TMEM117: variants seen among roughly 807,000 people sequenced by gnomAD.
The protein encoded by TMEM117 is transmembrane protein 117.
A neutral mutation model predicts 52.4 loss-of-function variants in TMEM117; 27 were observed. The ratio of observed to expected loss-of-function variants is 0.51; its 90% CI spans 0.38 to 0.71. The LOEUF (loss-of-function observed/expected upper bound fraction) is 0.71, where lower values mean the gene tolerates loss of function less well. TMEM117 is among the 30% of genes least tolerant of loss of function. The pLI is 0.00. For synonymous variants in TMEM117, 215 were observed against 206.3 expected, an observed-to-expected ratio of 1.04 and a Z score of -0.36; for missense variants, 556 against 630.5, an observed-to-expected ratio of 0.88 and a Z score of 1.26.
chr12:44,010,987 A>G (rs1031013152), intron 3 of TMEM117, among the ~76,000 whole-genome samples: 3 of 152,182 alleles, frequency 2.0e-5, no homozygotes, highest in Admixed American at 6.5e-5. Flanking sequence ...GCTCTCCTTC[A>G]TGAAGATTGG....
intron 4 of TMEM117, among the ~76,000 whole-genome samples, chr12:44,163,308 G>A (rs555431672): frequency 3.4e-4 from 52 of 152,242 alleles, no homozygotes; most frequent in African/African-American, 1.2e-3. Flanking sequence ...AGATGATCTC[G>A]TGACATAACA....
At chr12:43,892,191 G>A (rs965145088) in intron 2 of TMEM117, among the ~76,000 whole-genome samples, 2 of 152,198 alleles carry the variant, frequency 1.3e-5, no homozygotes, top group African/African-American at 4.8e-5. Flanking sequence ...TAAGGGAAAA[G>A]GTGCGTGGGG....
chr12:44,226,282 G>C (rs1949859451), intron 5 of TMEM117, among the ~76,000 whole-genome samples: 2 of 152,124 alleles, frequency 1.3e-5, no homozygotes, highest in Admixed American at 1.3e-4. Context: ...TATTGACTGA[G>C]AAGTCATCTC....
chr12:44,339,361 T>C (rs1185471872), intron 6 of TMEM117, among the ~76,000 whole-genome samples: 2 of 151,834 alleles, frequency 1.3e-5, no homozygotes, highest in Non-Finnish European at 2.9e-5. Flanking sequence ...ATGGCCCTGA[T>C]TGCAATGATC....
intron 4 of TMEM117, among the ~76,000 whole-genome samples, chr12:44,152,963 A>G (rs1948775994): frequency 6.6e-6 from 1 of 150,628 alleles, no homozygotes; most frequent in Non-Finnish European, 1.5e-5. Context: ...ATACACACAC[A>G]CATATTTTAG....
chr12:44,041,521 T>C (rs1316094671), intron 3 of TMEM117, among the ~76,000 whole-genome samples: 1 of 152,088 alleles, frequency 6.6e-6, no homozygotes, highest in Admixed American at 6.6e-5. Context: ...CATATGCAGG[T>C]TTGTTACATG....
intron 6 of TMEM117, among the ~76,000 whole-genome samples, chr12:44,303,948 A>C (rs966449051): frequency 3.3e-5 from 5 of 152,346 alleles, no homozygotes; most frequent in Admixed American, 6.5e-5. Context: ...AAATGGAGCA[A>C]AATATCCAAA....
chr12:44,192,526 A>T (rs957493232), intron 4 of TMEM117, among the ~76,000 whole-genome samples: 5 of 152,230 alleles, frequency 3.3e-5, no homozygotes, highest in Admixed American at 2.0e-4. Flanking sequence ...GGTGATGAGT[A>T]CAAATGAACT....
At chr12:44,030,025 T>G (rs956286258) in intron 3 of TMEM117, among the ~76,000 whole-genome samples, 1 of 152,170 alleles carries the variant, frequency 6.6e-6, no homozygotes, top group African/African-American at 2.4e-5. Flanking sequence ...TATGTATATA[T>G]GTTGTGTGTG....
chr12:44,390,700 AC>A (rs1211153764), downstream of TMEM117, among the ~76,000 whole-genome samples: 1 of 151,820 alleles, frequency 6.6e-6, no homozygotes, highest in East Asian at 1.9e-4. Context: ...ATTTCCAAGG[AC>A]ATTTTAATAG....
At chr12:44,320,825 G>C (rs1013877619) in intron 6 of TMEM117, among the ~76,000 whole-genome samples, 3 of 152,132 alleles carry the variant, frequency 2.0e-5, no homozygotes, top group African/African-American at 7.2e-5. Context: ...AAATTTGTTT[G>C]GATGTATTTA....
intron 3 of TMEM117, among the ~76,000 whole-genome samples, chr12:44,049,776 A>G (rs1010228893): frequency 5.9e-5 from 9 of 152,320 alleles, no homozygotes; most frequent in Non-Finnish European, 2.9e-5. Context: ...AAAAAGTGAC[A>G]TCAAGCATAA....
At chr12:43,972,548 C>T (rs1273192867) in intron 3 of TMEM117, among the ~76,000 whole-genome samples, 2 of 152,182 alleles carry the variant, frequency 1.3e-5, no homozygotes, top group East Asian at 1.9e-4. Context: ...TCCCTGCTCA[C>T]GTCCTGCTGA....
intron 3 of TMEM117, among the ~76,000 whole-genome samples, chr12:44,048,392 T>C (rs1206147126): frequency 6.6e-6 from 1 of 152,156 alleles, no homozygotes; most frequent in Non-Finnish European, 1.5e-5. Context: ...TTCACTTTAT[T>C]TGCATTTGTT....
At chr12:44,373,284 G>GT (rs1283517270) in intron 6 of TMEM117, among the ~76,000 whole-genome samples, 2 of 152,208 alleles carry the variant, frequency 1.3e-5, no homozygotes, top group Non-Finnish European at 2.9e-5. Context: ...GAAACTAATG[G>GT]TTACATGTCT....
chr12:44,336,845 T>C (rs1951347838), intron 6 of TMEM117, among the ~76,000 whole-genome samples: 1 of 152,058 alleles, frequency 6.6e-6, no homozygotes, highest in African/African-American at 2.4e-5. Flanking sequence ...TTTACAATTA[T>C]TCATTCAAAC....
the TMEM117 span, chr12:43,806,339 G>T: frequency 1.6e-5 from 21 of 1,279,740 alleles, no homozygotes; most frequent in Non-Finnish European, 2.1e-5. Context: ...GCCGGCCCCG[G>T]CGCGTCATCC....
intron 5 of TMEM117, among the ~76,000 whole-genome samples, chr12:44,225,786 CTA>C (rs1337631231): frequency 6.6e-6 from 1 of 152,076 alleles, no homozygotes; most frequent in Non-Finnish European, 1.5e-5. Context: ...ATTTTCTGCA[CTA>C]TGGAAGTATT....
intron 5 of TMEM117, among the ~76,000 whole-genome samples, chr12:44,297,984 T>A (rs1381542815): frequency 2.6e-5 from 4 of 152,162 alleles, no homozygotes; most frequent in African/African-American, 9.6e-5. Context: ...AGGTCGTGAG[T>A]CAAATTCTTT....
Sources: allele counts gnomAD v4.1 joint callset (sites outside exome capture counted in the v4.1 genomes callset), GRCh38; gene constraint gnomAD v4.1.1; transcripts MANE v1.5; gene names NCBI Gene and HGNC (gene_info 2026-07-23, HGNC 2026-07-21).